PLCG2: variants seen among roughly 807,000 people sequenced by gnomAD.
PLCG2 encodes phospholipase C gamma 2.
PLCG2 carries 69 observed loss-of-function variants against 175.6 expected under a neutral mutation model. The ratio of observed to expected loss-of-function variants is 0.39; its 90% CI spans 0.32 to 0.48. The LOEUF (loss-of-function observed/expected upper bound fraction) is 0.48, where lower values mean the gene tolerates loss of function less well. Ranked by LOEUF, PLCG2 falls within the 20% of genes least tolerant of loss-of-function variation. PLCG2 has a pLI of 0.91. For missense variants in PLCG2, 1,798 were observed against 1,650.9 expected, an observed-to-expected ratio of 1.09 and a Z score of -1.54; for synonymous variants, 827 against 624.0, an observed-to-expected ratio of 1.33 and a Z score of -4.85.
Position 81,854,598 on chromosome 16 carries a change from G to A in PLCG2, c.337+11G>A, listed in dbSNP as rs1906588887. On this transcript the variant is annotated intron_variant, in intron 3 of 32. Coordinates refer to ENST00000564138, the MANE Select transcript of PLCG2 (RefSeq NM_002661.5). ...CGCTCAGCTTGGCAGGTAGGTGCAT[G>A]TTTCTGTGCCTTTCTCCTTCCCTGT... 4.3e-6 allele frequency: 7 copies of A among 1,611,038 alleles called. No homozygotes were observed. The highest frequency in any genetic ancestry group is 5.9e-6 in the Non-Finnish European group (7 of 1,177,536).
At chr16:81,753,559 T>C (rs1406192018) in intron 1 of PLCG2, among the ~76,000 whole-genome samples, 11 of 151,990 alleles carry the variant, frequency 7.2e-5, no homozygotes, top group Admixed American at 2.6e-4. Flanking sequence ...GCTGGGATTA[T>C]AGGCGCACAT....
At chr16:81,839,366 T>C (rs1905699606) in intron 2 of PLCG2, among the ~76,000 whole-genome samples, 1 of 151,708 alleles carries the variant, frequency 6.6e-6, no homozygotes, top group Admixed American at 6.6e-5. Flanking sequence ...AAAAAAAAAA[T>C]CTCTATATAG....
chr16:81,848,190 C>A (rs1473055257), intron 2 of PLCG2, among the ~76,000 whole-genome samples: 1 of 152,196 alleles, frequency 6.6e-6, no homozygotes, highest in African/African-American at 2.4e-5. Flanking sequence ...ATATCATCAA[C>A]TGATCTTTGA....
chr16:81,877,324 C>T (rs540248947), intron 7 of PLCG2, among the ~76,000 whole-genome samples: 65 of 152,160 alleles, frequency 4.3e-4, no homozygotes, highest in African/African-American at 1.4e-3. Context: ...GGCATAGTGG[C>T]GGGTGCCTGT....
chr16:81,775,377 A>G (rs900831575), upstream of PLCG2, among the ~76,000 whole-genome samples: 4 of 152,238 alleles, frequency 2.6e-5, no homozygotes, highest in Admixed American at 6.5e-5. Context: ...GCCCACAGCC[A>G]TAAAACTAAG....
chr16:81,764,470 C>T (rs1459109748), intron 2 of PLCG2, among the ~76,000 whole-genome samples: 2 of 152,060 alleles, frequency 1.3e-5, no homozygotes, highest in Non-Finnish European at 2.9e-5. Context: ...GTGCAATTGC[C>T]CACAGCTGGC....
intron 17 of PLCG2, among the ~76,000 whole-genome samples, chr16:81,908,990 A>G (rs1909501096): frequency 6.6e-6 from 1 of 152,130 alleles, no homozygotes; most frequent in South Asian, 2.1e-4. Context: ...TGTCTCCTCC[A>G]TAAAACGAGG....
chr16:81,778,027 A>AC (rs1555505419), upstream of PLCG2, among the ~76,000 whole-genome samples: 12 of 83,356 alleles, frequency 1.4e-4, 3 homozygotes, highest in South Asian at 5.8e-4. Context: ...AAAAAAAAAA[A>AC]AAAACAAAAA....
intron 10 of PLCG2, among the ~76,000 whole-genome samples, chr16:81,890,891 A>C (rs1398020049): frequency 6.6e-6 from 1 of 152,190 alleles, no homozygotes; most frequent in Non-Finnish European, 1.5e-5. Flanking sequence ...GGCCGGGTGC[A>C]GTGGCTCACG....
intron 2 of PLCG2, among the ~76,000 whole-genome samples, chr16:81,799,155 A>G (rs1911608238): frequency 6.6e-6 from 1 of 152,168 alleles, no homozygotes; most frequent in Non-Finnish European, 1.5e-5. Flanking sequence ...CCCCCTCATT[A>G]TAGAAGTACT....
At chr16:81,847,886 CTG>C (rs1379592377) in intron 2 of PLCG2, among the ~76,000 whole-genome samples, 4 of 152,144 alleles carry the variant, frequency 2.6e-5, no homozygotes, top group African/African-American at 9.7e-5. Flanking sequence ...ATTTTGGTAT[CTG>C]TGGAAGATCC....
intron 17 of PLCG2, among the ~76,000 whole-genome samples, chr16:81,910,317 C>T (rs573466194): frequency 1.3e-5 from 2 of 152,310 alleles, no homozygotes; most frequent in South Asian, 4.1e-4. Context: ...TCTGGAACTC[C>T]TAATCTCAGG....
chr16:81,887,877 T>A (rs1330450136), intron 9 of PLCG2, among the ~76,000 whole-genome samples: 1 of 152,254 alleles, frequency 6.6e-6, no homozygotes. Flanking sequence ...ATTCTTTTTT[T>A]AAAGGGTTTC....
intron 2 of PLCG2, among the ~76,000 whole-genome samples, chr16:81,791,335 G>T (rs1911222560): frequency 6.6e-6 from 1 of 152,128 alleles, no homozygotes; most frequent in South Asian, 2.1e-4. Flanking sequence ...TTGCTAGATG[G>T]TTAGCAGGGA....
upstream of PLCG2, among the ~76,000 whole-genome samples, chr16:81,778,058 A>ACAAAC (rs1567457873): frequency 3.4e-4 from 37 of 109,484 alleles, no homozygotes; most frequent in African/African-American, 1.4e-3. Flanking sequence ...AAAAAAACAA[A>ACAAAC]AAAAACCAAA....
At chr16:81,779,864 G>A (rs1378873128) in intron 1 of PLCG2, among the ~76,000 whole-genome samples, 1 of 152,216 alleles carries the variant, frequency 6.6e-6, no homozygotes, top group African/African-American at 2.4e-5. Flanking sequence ...TGCGGGTGGC[G>A]GGTGGGAGCG....
chr16:81,829,649 G>T (rs1250703554), intron 2 of PLCG2, among the ~76,000 whole-genome samples: 1 of 152,236 alleles, frequency 6.6e-6, no homozygotes, highest in Non-Finnish European at 1.5e-5. Context: ...TTCTGTTCCA[G>T]GATTCATCCA....
chr16:81,948,014 C>T (rs940971837), intron 31 of PLCG2, among the ~76,000 whole-genome samples: 3 of 152,180 alleles, frequency 2.0e-5, no homozygotes, highest in African/African-American at 7.2e-5. Flanking sequence ...ATGCCTGTTT[C>T]ATCAGGTATG....
chr16:81,871,894 A>G, intron 7 of PLCG2, among the ~76,000 whole-genome samples: 1 of 152,160 alleles, frequency 6.6e-6, no homozygotes, highest in African/African-American at 2.4e-5. Flanking sequence ...TGGTCTATCC[A>G]TATTATGTGA....
Sources: allele counts gnomAD v4.1 joint callset (sites outside exome capture counted in the v4.1 genomes callset), GRCh38; gene constraint gnomAD v4.1.1; transcripts MANE v1.5; gene names NCBI Gene and HGNC (gene_info 2026-07-23, HGNC 2026-07-21).